CAMTA1: variants seen among roughly 807,000 people sequenced by gnomAD.
CAMTA1 encodes calmodulin-binding transcription activator 1.
In CAMTA1, 27 loss-of-function variants were observed where a neutral mutation model predicts 170.9. The observed-to-expected ratio is 0.16, with a 90% CI of 0.12 to 0.22. The LOEUF is 0.22. Among genes scored for constraint, CAMTA1 ranks in the 10% least tolerant of loss-of-function variants. The pLI, the probability that CAMTA1 is intolerant of heterozygous loss-of-function variation, is 1.00. For synonymous variants in CAMTA1, 833 were observed against 891.5 expected (o/e 0.93, Z 1.17); for missense variants, 1,619 against 2,217.2 (o/e 0.73, Z 5.42).
In CAMTA1 at chr1:7,063,062, T is replaced by G. The variant is rs1159605140; in HGVS notation, c.235-28242T>G. 1.3e-5 allele frequency among the ~76,000 whole-genome samples: 2 copies of G among 152,204 alleles called. No homozygotes were observed. The highest frequency in any genetic ancestry group is 1.3e-4 in the Admixed American group (2 of 15,282). On this transcript the variant is annotated intron_variant, in intron 3 of 22. Coordinates refer to ENST00000303635, the MANE Select transcript of CAMTA1 (RefSeq NM_015215.4). The surrounding 1 kb of genome is among the most constrained non-coding windows in gnomAD (Gnocchi z 4.3). ...GGGTTAGGACTTCAACATATCTTTT[T>G]GGGGAACACGGATTCATTTTTCTCA...
At chr1:7,096,454 G>A (rs900942814) in intron 4 of CAMTA1, among the ~76,000 whole-genome samples, 3 of 152,008 alleles carry the variant, frequency 2.0e-5, no homozygotes, top group African/African-American at 7.2e-5. Flanking sequence ...CTGTCTCCCC[G>A]GCACCTGCAT....
intron 11 of CAMTA1, among the ~76,000 whole-genome samples, chr1:7,707,898 C>T (rs1016697733): frequency 2.6e-5 from 4 of 152,178 alleles, no homozygotes; most frequent in African/African-American, 9.7e-5. Flanking sequence ...TTGCTATTCT[C>T]TTATGTGACT....
intron 6 of CAMTA1, among the ~76,000 whole-genome samples, chr1:7,489,336 G>C (rs1429357472): frequency 6.6e-6 from 1 of 152,214 alleles, no homozygotes; most frequent in Non-Finnish European, 1.5e-5. Flanking sequence ...ATCTTTCGAG[G>C]GTCTTTGCAG....
chr1:7,496,513 G>A (rs2149741099), intron 6 of CAMTA1, among the ~76,000 whole-genome samples: 1 of 152,320 alleles, frequency 6.6e-6, no homozygotes, highest in African/African-American at 2.4e-5. Flanking sequence ...GGGCGGACAT[G>A]GGCTCTGCTG....
chr1:7,221,397 G>A lies in CAMTA1; in HGVS notation c.303-28094G>A, dbSNP rs543793215. On this transcript the variant is annotated intron_variant, in intron 4 of 22. Transcript: ENST00000303635. ...TAACACACCCAGAGTCTTGCCTTCG[G>A]GGGCTTTCACGAGCAGAGCCATTGC... 1.1e-3 allele frequency among the ~76,000 whole-genome samples: 167 copies of A among 152,258 alleles called. 1 individual carries two copies. The highest frequency in any genetic ancestry group is 1.8e-3 in the Non-Finnish European group (124 of 68,022).
intron 5 of CAMTA1, among the ~76,000 whole-genome samples, chr1:7,403,188 A>G (rs1440276819): frequency 6.6e-6 from 1 of 152,120 alleles, no homozygotes; most frequent in East Asian, 1.9e-4. Flanking sequence ...CCCCGTCTCT[A>G]CTAAAAATAC....
intron 3 of CAMTA1, among the ~76,000 whole-genome samples, chr1:7,082,411 C>T (rs561463025): frequency 2.6e-5 from 4 of 151,828 alleles, no homozygotes; most frequent in African/African-American, 9.7e-5. Flanking sequence ...GCCTTCCAGC[C>T]CAGGTGACGG....
intron 4 of CAMTA1, among the ~76,000 whole-genome samples, chr1:7,147,821 GCA>G (rs941947310): frequency 3.5e-5 from 4 of 112,960 alleles, no homozygotes; most frequent in Admixed American, 9.5e-5. Flanking sequence ...CATACACCAT[GCA>G]CACACACAAA....
chr1:7,737,241 TC>T lies in CAMTA1; in HGVS notation c.3343-11del, dbSNP rs2096779412. ...TCTGATTGAGAACGCTTGCTGTGTC[TC>T]CCTGTCTTCTAGATGTGGGCGTGTG... is the stretch of plus-strand genomic sequence containing the variant. On this transcript the variant is annotated splice_polypyrimidine_tract_variant and intron_variant, in intron 14 of 22. Transcript: ENST00000303635. 6.2e-7 allele frequency: 1 copy of T among 1,608,872 alleles called. No individual in the cohort carries two copies. Among genetic ancestry groups the T allele is most frequent in the Non-Finnish European group, 8.5e-7 (1 of 1,176,896 alleles).
intron 5 of CAMTA1, among the ~76,000 whole-genome samples, chr1:7,276,303 A>ATATATATATATATATATATT: frequency 1.2e-4 from 3 of 24,232 alleles, no homozygotes; most frequent in Non-Finnish European, 1.8e-4. Flanking sequence ...ATATATATAT[A>ATATATATATATATATATATT]TTTTTTTTTT....
chr1:7,553,162 CATGAATGAATGAGTGA>C (rs1375021526), intron 6 of CAMTA1, among the ~76,000 whole-genome samples: 10 of 152,102 alleles, frequency 6.6e-5, no homozygotes, highest in South Asian at 4.2e-4. Flanking sequence ...TGAGTGAATG[CATGAATGAATGAGTGA>C]ATGAATGAAT....
intron 3 of CAMTA1, among the ~76,000 whole-genome samples, chr1:6,989,617 C>G (rs1695981884): frequency 6.6e-6 from 1 of 152,102 alleles, no homozygotes; most frequent in African/African-American, 2.4e-5. Flanking sequence ...CAGTAAACCT[C>G]TTCATTTGGG....
At chr1:7,081,524 G>A (rs1640009990) in intron 3 of CAMTA1, among the ~76,000 whole-genome samples, 1 of 152,230 alleles carries the variant, frequency 6.6e-6, no homozygotes, top group African/African-American at 2.4e-5. Context: ...GTTCTGGTTA[G>A]CATTGCACTG....
intron 2 of CAMTA1, 91 bp downstream of exon 2, chr1:6,820,341 C>A: frequency 7.5e-7 from 1 of 1,341,260 alleles, no homozygotes; most frequent in Non-Finnish European, 1.1e-6. Flanking sequence ...CAGCCTTCAG[C>A]CCGGACTCAG....
Position 6,971,006 on chromosome 1 carries a change from T to A in CAMTA1, c.235-120298T>A, listed in dbSNP as rs1370770336. Among the ~76,000 whole-genome samples, 1 of 152,178 alleles carries A rather than the reference T, an allele frequency of 6.6e-6. No homozygotes were observed. Among genetic ancestry groups the A allele is most frequent in the Non-Finnish European group, 1.5e-5 (1 of 68,036 alleles). On this transcript the variant is annotated intron_variant, in intron 3 of 22. Coordinates refer to ENST00000303635, the MANE Select transcript of CAMTA1 (RefSeq NM_015215.4). This position sits in a 1 kb window ranked among gnomAD's most constrained non-coding sequence, Gnocchi z 4.6. The stretch of plus-strand genomic sequence containing the variant: ...TCCCTGGCCTTTGGAGGGAAGACCC[T>A]CTGGTTCGGGCCTTCCTTCCTTCTC...
In CAMTA1 at chr1:7,273,450, C is replaced by T. The variant is rs192767449; in HGVS notation, c.438+23824C>T. ...CGTGGATGAACTTCTAAACGTTATT[C>T]TAAGTGAAAGAGGCCAGTCACAAAA... is the stretch of plus-strand genomic sequence containing the variant. On this transcript the variant is annotated intron_variant, in intron 5 of 22. Transcript: ENST00000303635. Among the ~76,000 whole-genome samples the T allele has an allele frequency of 4.6e-5, 7 of 152,290 alleles. No individual in the cohort carries two copies. In the East Asian group the frequency reaches 1.4e-3, roughly 29 times the overall value.
At chr1:7,290,608 C>T (rs568759425) in intron 5 of CAMTA1, among the ~76,000 whole-genome samples, 3 of 152,166 alleles carry the variant, frequency 2.0e-5, no homozygotes, top group East Asian at 1.9e-4. Context: ...TATCTTCCTG[C>T]GTGTATTGAC....
chr1:6,959,872 C>T (rs61780894), intron 3 of CAMTA1, among the ~76,000 whole-genome samples: 2,175 of 152,244 alleles, frequency 0.014, 31 homozygotes, highest in Non-Finnish European at 0.023. Flanking sequence ...ACTCAGGTCC[C>T]ATGGGCAGAG....
intron 3 of CAMTA1, among the ~76,000 whole-genome samples, chr1:7,017,620 C>T (rs1048427847): frequency 3.3e-5 from 5 of 152,150 alleles, no homozygotes; most frequent in African/African-American, 1.2e-4. Flanking sequence ...GGAAGAGGTG[C>T]GTGTTATCAT....
Sources: allele counts gnomAD v4.1 joint callset (sites outside exome capture counted in the v4.1 genomes callset), GRCh38; gene constraint gnomAD v4.1.1; non-coding constraint Gnocchi (gnomAD v3.1); transcripts MANE v1.5; gene names NCBI Gene and HGNC (gene_info 2026-07-23, HGNC 2026-07-21).